Variants in THSD7B observed in about 807,000 individuals in gnomAD.
THSD7B encodes the protein thrombospondin type-1 domain-containing protein 7B.
In THSD7B, 138 loss-of-function variants were observed where a neutral mutation model predicts 213.6. The ratio of observed to expected loss-of-function variants is 0.65; its 90% CI spans 0.56 to 0.74. The LOEUF (loss-of-function observed/expected upper bound fraction) is 0.74, where lower values mean the gene tolerates loss of function less well. Among genes scored for constraint, THSD7B ranks in the 30% least tolerant of loss-of-function variants. The pLI, the probability that THSD7B is intolerant of heterozygous loss-of-function variation, is 0.00. For synonymous variants in THSD7B, 742 were observed against 687.0 expected (o/e 1.08, Z -1.25); for missense variants, 1,931 against 1,991.5 (o/e 0.97, Z 0.58).
At chr2:137,492,319 C>G (rs1028908291) in intron 15 of THSD7B, among the ~76,000 whole-genome samples, 1 of 152,134 alleles carries the variant, frequency 6.6e-6, no homozygotes, top group Non-Finnish European at 1.5e-5. Flanking sequence ...CATCCCTACC[C>G]ACTCATTATC....
At chr2:137,548,692 T>G (rs942826616) in intron 15 of THSD7B, among the ~76,000 whole-genome samples, 2 of 152,022 alleles carry the variant, frequency 1.3e-5, no homozygotes, top group Admixed American at 1.3e-4. Context: ...TTTCAGTTAG[T>G]TTGCTTGATT....
intron 2 of THSD7B, among the ~76,000 whole-genome samples, chr2:137,028,656 G>A (rs1403711394): frequency 6.6e-6 from 1 of 152,214 alleles, no homozygotes; most frequent in Non-Finnish European, 1.5e-5. Context: ...AAGTAAATGA[G>A]GCAATGCAAT....
intron 12 of THSD7B, among the ~76,000 whole-genome samples, chr2:137,388,214 G>A (rs946267714): frequency 6.6e-6 from 1 of 151,970 alleles, no homozygotes; most frequent in African/African-American, 2.4e-5. Context: ...CAGGGCTCAT[G>A]TACTAAGTGC....
chr2:136,818,681 A>T (rs1682522026), intron 1 of THSD7B, among the ~76,000 whole-genome samples: 1 of 152,182 alleles, frequency 6.6e-6, no homozygotes, highest in African/African-American at 2.4e-5. Flanking sequence ...AACAGAATTT[A>T]TGTTTTAATT....
chr2:137,217,086 T>G (rs565486828), intron 7 of THSD7B, among the ~76,000 whole-genome samples: 2 of 152,188 alleles, frequency 1.3e-5, no homozygotes, highest in East Asian at 3.9e-4. Context: ...TTCTCAACAC[T>G]CCCCCTGGAG....
chr2:137,421,154 A>G (rs2105026381), intron 14 of THSD7B, among the ~76,000 whole-genome samples: 1 of 152,288 alleles, frequency 6.6e-6, no homozygotes, highest in African/African-American at 2.4e-5. Flanking sequence ...CCCACACACC[A>G]ACACAACACC....
chr2:137,343,930 T>A (rs1264439571), intron 12 of THSD7B, among the ~76,000 whole-genome samples: 18 of 151,748 alleles, frequency 1.2e-4, no homozygotes, highest in Non-Finnish European at 1.5e-5. Flanking sequence ...GAAGCACTAA[T>A]CTCAAATACA....
chr2:137,654,071 T>C (rs1683188055), intron 21 of THSD7B, among the ~76,000 whole-genome samples: 1 of 152,206 alleles, frequency 6.6e-6, no homozygotes, highest in South Asian at 2.1e-4. Context: ...TATTACTTTT[T>C]AGTAATTCTT....
intron 2 of THSD7B, among the ~76,000 whole-genome samples, chr2:136,925,148 G>C (rs1013584002): frequency 1.3e-5 from 2 of 151,982 alleles, no homozygotes; most frequent in Non-Finnish European, 2.9e-5. Context: ...CCTCTTTTAC[G>C]ATTTACATGT....
At position 137,370,567 on chromosome 2, in the gene THSD7B, C is replaced by T. The variant is rs547425462; in HGVS notation, c.2501-35046C>T. On this transcript the variant is annotated intron_variant, in intron 12 of 27. Transcript: ENST00000409968. Reference sequence around the variant, plus strand: ...CACTGCAACCTCTGCCTCCTGGGTTCGGGTGATCCTCATGTCTCAGCCTCC... The same window carrying T: ...CACTGCAACCTCTGCCTCCTGGGTTTGGGTGATCCTCATGTCTCAGCCTCC... Among the ~76,000 whole-genome samples the T allele has an allele frequency of 5.9e-5, 9 of 152,222 alleles. No homozygotes were observed. In the South Asian group the frequency reaches 1.2e-3, roughly 21 times the overall value.
chr2:137,588,972 G>A (rs935144015), intron 17 of THSD7B, among the ~76,000 whole-genome samples: 1 of 152,024 alleles, frequency 6.6e-6, no homozygotes, highest in Non-Finnish European at 1.5e-5. Context: ...TAGAGATGGG[G>A]TTTTGCCATG....
At chr2:136,885,010 C>T (rs187144905) in intron 2 of THSD7B, among the ~76,000 whole-genome samples, 82 of 152,222 alleles carry the variant, frequency 5.4e-4, no homozygotes, top group African/African-American at 1.9e-3. Flanking sequence ...TACCTATTTA[C>T]GGATGAGTTT....
At chr2:137,654,304 C>T (rs77231751) in intron 21 of THSD7B, among the ~76,000 whole-genome samples, 4 of 152,152 alleles carry the variant, frequency 2.6e-5, no homozygotes, top group Admixed American at 1.3e-4. Context: ...CCTCCTACAG[C>T]GTGGTACTGC....
chr2:136,874,804 AAAG>A (rs1014830197), intron 1 of THSD7B, among the ~76,000 whole-genome samples: 1 of 152,204 alleles, frequency 6.6e-6, no homozygotes, highest in African/African-American at 2.4e-5. Flanking sequence ...GATATATAGT[AAAG>A]AAGAAGATTT....
At chr2:137,325,853 C>T (rs1429253623) in intron 12 of THSD7B, among the ~76,000 whole-genome samples, 1 of 152,212 alleles carries the variant, frequency 6.6e-6, no homozygotes, top group Admixed American at 6.5e-5. Context: ...GCTCTGTCCT[C>T]TGCCATCTTC....
At chr2:137,152,725 A>G (rs1012005541) in intron 5 of THSD7B, among the ~76,000 whole-genome samples, 1 of 152,332 alleles carries the variant, frequency 6.6e-6, no homozygotes, top group East Asian at 1.9e-4. Flanking sequence ...CATAGTTTCT[A>G]TGGAAAAGAA....
In THSD7B at chr2:137,012,426, G is replaced by A. The variant is rs988047637; in HGVS notation, c.140-43994G>A. ...TGTTTTGGTAACAAGCTCTTTTGAG[G>A]ACAATGTATGGAAAGATGCATCTAA... On this transcript the variant is annotated intron_variant, in intron 2 of 27. Transcript: ENST00000409968. Among the ~76,000 whole-genome samples the A allele has an allele frequency of 2.0e-4, 30 of 152,156 alleles. 1 individual carries two copies. Among genetic ancestry groups the A allele is most frequent in the Admixed American group, 2.0e-3 (30 of 15,268 alleles).
intron 12 of THSD7B, among the ~76,000 whole-genome samples, chr2:137,365,962 T>C (rs1049742677): frequency 6.6e-6 from 1 of 152,138 alleles, no homozygotes; most frequent in Non-Finnish European, 1.5e-5. Flanking sequence ...TGTGGCACCA[T>C]TCACAATAGC....
At chr2:137,368,262 T>A (rs538181808) in intron 12 of THSD7B, among the ~76,000 whole-genome samples, 1 of 150,346 alleles carries the variant, frequency 6.7e-6, no homozygotes, top group Non-Finnish European at 1.5e-5. Context: ...TCTCTAGATT[T>A]ACAAAAAAAA....
Sources: gnomAD v4.1 joint callset for allele counts (sites outside exome capture counted in the v4.1 genomes callset) on GRCh38, gnomAD v4.1.1 for gene constraint, MANE v1.5 for transcripts, NCBI Gene and HGNC (gene_info 2026-07-23, HGNC 2026-07-21) for gene names.